MAP4K1: variants seen among roughly 807,000 people sequenced by gnomAD.
MAP4K1 encodes mitogen-activated protein kinase kinase kinase kinase 1, also known as MAPK/ERK kinase kinase kinase 1.
A neutral mutation model predicts 122.8 loss-of-function variants in MAP4K1; 35 were observed. That is an observed-to-expected ratio of 0.29 (90% CI 0.22 to 0.38). The LOEUF (loss-of-function observed/expected upper bound fraction) is 0.38, where lower values mean the gene tolerates loss of function less well. MAP4K1 is among the 10% of genes least tolerant of loss of function. The probability of loss-of-function intolerance (pLI) is 1.00; values close to 1 mark genes in which losing one functional copy is unlikely to be tolerated. For synonymous variants in MAP4K1, 412 were observed against 421.3 expected, an observed-to-expected ratio of 0.98 and a Z score of 0.27; for missense variants, 791 against 1,072.6, an observed-to-expected ratio of 0.74 and a Z score of 3.67.
chr19:38,599,305 G>A lies in MAP4K1; in HGVS notation c.1669+620C>T, dbSNP rs140132504. ...AGAGGTTGCAGTTAGCCAAGATCAC[G>A]CCCCTGCACTCCAGCCTGGGCAACT... On this transcript the variant is annotated intron_variant, in intron 22 of 30. Coordinates refer to ENST00000396857, the MANE Select transcript of MAP4K1 (RefSeq NM_001042600.3). Among the ~76,000 whole-genome samples the A allele has an allele frequency of 1.6e-3, 207 of 129,096 alleles. 1 individual carries two copies. The highest frequency in any genetic ancestry group is 1.3e-3 in the Non-Finnish European group (82 of 64,450). The allele number at this position is 129,096 out of a possible 152,430, so 84.7% of individuals were successfully genotyped here. A position where few individuals can be genotyped will look rare whatever the true frequency, so the allele number is the denominator to read the frequency against.
chr19:38,589,694 C>A (rs1029761120), intron 30 of MAP4K1, among the ~76,000 whole-genome samples: 1 of 152,084 alleles, frequency 6.6e-6, no homozygotes, highest in Non-Finnish European at 1.5e-5. Context: ...GGATTACAGG[C>A]GTGAGCCACC....
At chr19:38,607,555 A>C (rs1252891349) in intron 16 of MAP4K1, among the ~76,000 whole-genome samples, 1 of 122,152 alleles carries the variant, frequency 8.2e-6, no homozygotes, top group South Asian at 3.2e-4. Context: ...GTGAGACTCC[A>C]TCTCAAAAAA....
At chr19:38,602,929 TAC>T (rs1975156287) in intron 19 of MAP4K1, among the ~76,000 whole-genome samples, 1 of 147,854 alleles carries the variant, frequency 6.8e-6, no homozygotes, top group South Asian at 2.2e-4. Context: ...TATACGCATA[TAC>T]ATATATACAC....
chr19:38,607,893 C>T lies in MAP4K1; in HGVS notation c.1128G>A (p.Ser376=), dbSNP rs766596701. Residue 376 remains serine, a synonymous_variant, in exon 16 of 31, where the codon TCG becomes TCA. Coordinates refer to ENST00000396857, the MANE Select transcript of MAP4K1 (RefSeq NM_001042600.3). The part of the protein sequence containing the change: ...SSSPRKQLSE[S]SDDDYDDVDI... ...CCACGTCGTCATAGTCATCGTCAGA[C>T]GACTCTGACAGTTGCTTCCTGAAGG... 77 of 1,612,080 alleles carry T rather than the reference C, an allele frequency of 4.8e-5. No homozygotes were observed. The highest frequency in any genetic ancestry group is 2.8e-4 in the Admixed American group (17 of 59,656).
At chr19:38,601,560 C>T (rs937873935) in intron 19 of MAP4K1, 35 bp from the exon 20 acceptor site, 22 of 1,526,804 alleles carry the variant, frequency 1.4e-5, no homozygotes, top group East Asian at 2.3e-5. Flanking sequence ...GCAGCAGATC[C>T]GGCAAAGAGA....
intron 19 of MAP4K1, among the ~76,000 whole-genome samples, chr19:38,602,449 C>CATACATATATACACACAT (rs996498179): frequency 2.0e-5 from 3 of 146,948 alleles, no homozygotes; most frequent in Non-Finnish European, 3.1e-5. Context: ...TACACACACA[C>CATACATATATACACACAT]ATACATATAT....
rs1347664776 is a variant in MAP4K1, at chr19:38,597,409, G to A, written c.1779-25C>T. ...CCTGGAGAATAGGTAGGTGTGAAGG[G>A]GGGTAGGACAGCAGGAGGCAGAGGG... On this transcript the variant is annotated intron_variant, in intron 23 of 30. Transcript: ENST00000396857. This position sits in a 1 kb window ranked among gnomAD's most constrained non-coding sequence, Gnocchi z 4.6. 1.2e-6 allele frequency: 2 copies of A among 1,613,792 alleles called. No individual in the cohort carries two copies. The highest frequency in any genetic ancestry group is 1.7e-6 in the Non-Finnish European group (2 of 1,179,892).
chr19:38,598,174 G>A (rs1974946117), intron 22 of MAP4K1, among the ~76,000 whole-genome samples: 2 of 151,878 alleles, frequency 1.3e-5, no homozygotes, highest in African/African-American at 4.8e-5. Context: ...GGGAGTAGAG[G>A]TATGCGCCAC....
chr19:38,606,987 TG>T (rs1483414948), intron 16 of MAP4K1, among the ~76,000 whole-genome samples: 1 of 152,048 alleles, frequency 6.6e-6, no homozygotes, highest in Non-Finnish European at 1.5e-5. Flanking sequence ...ATCTGGTCTT[TG>T]GGAGATTTCC....
chr19:38,604,062 G>C (rs1387166552), intron 19 of MAP4K1, among the ~76,000 whole-genome samples: 1 of 147,832 alleles, frequency 6.8e-6, no homozygotes, highest in Non-Finnish European at 1.5e-5. Flanking sequence ...CGAGGTCAAG[G>C]CTGCAGTGAG....
At chr19:38,608,223 G>A (rs1384278705) in intron 13 of MAP4K1, 53 bp from the exon 14 acceptor site, 29 of 886,920 alleles carry the variant, frequency 3.3e-5, no homozygotes, top group Middle Eastern at 3.1e-4. Context: ...AAGGGGTAAC[G>A]AGATGGGTTT....
Position 38,611,098 on chromosome 19 carries a change from G to C in MAP4K1, c.763C>G (p.Leu255Val). The stretch of plus-strand genomic sequence containing the variant: ...GGTCGTTTCTTGGGACTCTTAGTCA[G>C]AGTGACTTTGATGAAGTTGTGGAAG... ...AAFHNFIKVTLTKSPKKRPSA... is the reference protein window; with the variant it reads ...AAFHNFIKVTVTKSPKKRPSA... The change falls in exon 11 of 31, where the codon CTG (leucine) becomes GTG (valine). Residue 255 changes from leucine to valine, a missense_variant. Leu to Val is a conservative substitution (Grantham distance 32, BLOSUM62 1). Coordinates refer to ENST00000396857, the MANE Select transcript of MAP4K1 (RefSeq NM_001042600.3). 5.0e-6 allele frequency: 8 copies of C among 1,613,616 alleles called. No individual in the cohort carries two copies. Among genetic ancestry groups the C allele is most frequent in the Non-Finnish European group, 5.9e-6 (7 of 1,179,826 alleles).
At position 38,612,658 on chromosome 19, in the gene MAP4K1, G is replaced by T. The variant is rs748373809; in HGVS notation, c.618C>A (p.Ile206=). 3.7e-6 allele frequency: 6 copies of T among 1,613,554 alleles called. No homozygotes were observed. In the African/African-American group the frequency reaches 6.7e-5, roughly 18 times the overall value. ...GCGGTGGCTGTAGCTCGGCCAGTTCGATGGCCGTGATGCCCAGGGACCAGA... is the reference window on the plus strand; with the variant it reads ...GCGGTGGCTGTAGCTCGGCCAGTTCTATGGCCGTGATGCCCAGGGACCAGA... ...CDIWSLGITA[I]ELAELQPPLF... is the part of the protein sequence containing the mutation. The change falls in exon 9 of 31, where the codon ATC becomes ATA. Residue 206 remains isoleucine (I), a synonymous_variant. Coordinates refer to ENST00000396857, the MANE Select transcript of MAP4K1 (RefSeq NM_001042600.3).
At chr19:38,593,377 C>A in intron 29 of MAP4K1, 40 bp from the exon 30 acceptor site, 1 of 1,547,166 alleles carries the variant, frequency 6.5e-7, no homozygotes, top group Non-Finnish European at 8.8e-7. Flanking sequence ...CTGGAAGATA[C>A]CTCCACTGTC....
intron 19 of MAP4K1, among the ~76,000 whole-genome samples, chr19:38,603,276 A>G (rs1470503345): frequency 2.0e-5 from 3 of 146,520 alleles, no homozygotes; most frequent in African/African-American, 5.4e-5. Flanking sequence ...ACATATATAC[A>G]CATACATATA....
Position 38,609,942 on chromosome 19 carries a change from G to C in MAP4K1, c.894C>G (p.Pro298=). 2 of 1,614,204 alleles carry C rather than the reference G, an allele frequency of 1.2e-6. No homozygotes were observed. Among genetic ancestry groups the C allele is most frequent in the South Asian group, 1.1e-5 (1 of 91,088 alleles). ...CCTCATCCTCAATGTCCCCAATGGA[G>C]GGTCCTTTCCCGGGATTCTTCAGTT... is the stretch of plus-strand genomic sequence containing the variant. ...LDKLKNPGKG[P]SIGDIEDEEP... The change falls in exon 12 of 31, where the codon CCC becomes CCG. Residue 298 remains proline (P), a synonymous_variant. Coordinates refer to ENST00000396857, the MANE Select transcript of MAP4K1 (RefSeq NM_001042600.3).
chr19:38,595,233 G>A (rs945978708), intron 29 of MAP4K1, among the ~76,000 whole-genome samples: 1 of 152,042 alleles, frequency 6.6e-6, no homozygotes, highest in African/African-American at 2.4e-5. Flanking sequence ...AGGTTGCAGT[G>A]AGCCGGGATC....
chr19:38,604,890 G>C (rs566929453), intron 19 of MAP4K1, among the ~76,000 whole-genome samples: 1 of 151,240 alleles, frequency 6.6e-6, no homozygotes, highest in Non-Finnish European at 1.5e-5. Context: ...AGTTCAAGAC[G>C]AGCCTAACCA....
intron 8 of MAP4K1, 108 bp from the exon 9 acceptor site, chr19:38,612,850 G>A: frequency 8.2e-7 from 1 of 1,213,522 alleles, no homozygotes; most frequent in Non-Finnish European, 1.2e-6. Context: ...CAGAGAGTCA[G>A]ATGGAGAGAC....
Sources: gnomAD v4.1 joint callset for allele counts (sites outside exome capture counted in the v4.1 genomes callset) on GRCh38, gnomAD v4.1.1 for gene constraint, Gnocchi (gnomAD v3.1) non-coding constraint, MANE v1.5 for transcripts, NCBI Gene and HGNC (gene_info 2026-07-23, HGNC 2026-07-21) for gene names.